EXOC7: variants seen among roughly 807,000 people sequenced by gnomAD.
The protein encoded by EXOC7 is exocyst complex component Exo70.
In EXOC7, 51 loss-of-function variants were observed where a neutral mutation model predicts 87.6. The ratio of observed to expected loss-of-function variants is 0.58; its 90% CI spans 0.46 to 0.73. The LOEUF is 0.73. Ranked by LOEUF, EXOC7 falls within the 30% of genes least tolerant of loss-of-function variation. The probability of loss-of-function intolerance (pLI) is 0.00; values close to 1 mark genes in which losing one functional copy is unlikely to be tolerated. For synonymous variants in EXOC7, 327 were observed against 357.1 expected, an observed-to-expected ratio of 0.92 and a Z score of 0.95; for missense variants, 744 against 888.4, an observed-to-expected ratio of 0.84 and a Z score of 2.07.
At chr17:76,085,461 C>A in intron 14 of EXOC7, 52 bp from the exon 15 acceptor site, 1 of 1,560,452 alleles carries the variant, frequency 6.4e-7, no homozygotes. Context: ...GCTCCTCAGG[C>A]CCAAAGGCTG....
Position 76,084,012 on chromosome 17 carries a change from A to T in EXOC7, c.1946T>A (p.Leu649Gln). Residue 649 changes from leucine to glutamine, a missense_variant, in exon 18 of 19, where the codon CTA becomes CAA. Physicochemically the swap from Leu to Gln is moderately radical, Grantham distance 113. Coordinates refer to ENST00000589210, the MANE Select transcript of EXOC7 (RefSeq NM_001013839.4). ...AGGGGAATGGAGGCCTCACTTCTGT[A>T]GAAAGGCCCCGTAGGTCTCCTTGAC... ...TIVKETYGAF[L>Q]QKFGSVPFTK... is the part of the protein sequence containing the mutation. The T allele has an allele frequency of 6.3e-7, 1 of 1,578,370 alleles. No homozygotes were observed. Among genetic ancestry groups the T allele is most frequent in the Non-Finnish European group, 8.6e-7 (1 of 1,165,292 alleles).
chr17:76,084,072 T>A lies in EXOC7; in HGVS notation c.1886A>T (p.Gln629Leu), dbSNP rs147434702. The A allele has an allele frequency of 1.2e-6, 2 of 1,611,228 alleles. No individual in the cohort carries two copies. The highest frequency in any genetic ancestry group is 1.1e-5 in the South Asian group (1 of 90,570). The change falls in exon 18 of 19, where the codon CAG (glutamine) becomes CTG (leucine). Residue 629 changes from glutamine (Q) to leucine (L), a missense_variant. Transcript: ENST00000589210. Reference sequence around the variant, plus strand: ...CTGGGCCTGGCGAATCCTGTCCCTCTGCTCTGTGTCTGGAATAGCCCAGGC... The same window carrying A: ...CTGGGCCTGGCGAATCCTGTCCCTCAGCTCTGTGTCTGGAATAGCCCAGGC... ...QKAWAIPDTE[Q>L]RDRIRQAQKT...
chr17:76,103,363 T>C lies in EXOC7; in HGVS notation c.124A>G (p.Met42Val), dbSNP rs776365753. The C allele has an allele frequency of 1.9e-6, 3 of 1,599,550 alleles. No homozygotes were observed. Among genetic ancestry groups the C allele is most frequent in the Non-Finnish European group, 2.6e-6 (3 of 1,172,856 alleles). Residue 42 changes from methionine to valine, a missense_variant and splice_region_variant, in exon 2 of 19, where the codon ATG (methionine) becomes GTG (valine). Physicochemically the swap from Met to Val is conservative, Grantham distance 21. This residue lies in a region of EXOC7 where 512 missense variants were observed against 573.0 expected (regional missense o/e 0.89). Transcript: ENST00000589210. ...CCCCCAGCTGCGGGGAGACTCACCA[T>C]GTTCTTAGTGAGCTGGTCGCTCTTC... ...LEKSDQLTKN[M>V]VSILSSFESR... is the part of the protein sequence containing the mutation.
At position 76,083,734 on chromosome 17, in the gene EXOC7, A is replaced by C. The variant is rs770640366; in HGVS notation, c.1969T>G (p.Phe657Val). The change falls in exon 19 of 19, where the codon TTC becomes GTC. Residue 657 changes from phenylalanine to valine, a missense_variant. Transcript: ENST00000589210. The part of the protein sequence containing the change: ...AFLQKFGSVP[F>V]TKNPEKYIKY... Reference sequence around the variant, plus strand: ...ATGTACTTCTCCGGGTTCTTGGTGAAGGGCACGCTGCCAAACCTGAGGAGG... The same window carrying C: ...ATGTACTTCTCCGGGTTCTTGGTGACGGGCACGCTGCCAAACCTGAGGAGG... 6.2e-7 allele frequency: 1 copy of C among 1,613,192 alleles called. No individual in the cohort carries two copies. The highest frequency in any genetic ancestry group is 1.1e-5 in the South Asian group (1 of 91,046).
At chr17:76,096,041 T>C (rs562133614) in intron 5 of EXOC7, among the ~76,000 whole-genome samples, 4 of 152,258 alleles carry the variant, frequency 2.6e-5, no homozygotes, top group Admixed American at 2.6e-4. Context: ...CTCTTGATCC[T>C]AAGGAGCTCC....
intron 11 of EXOC7, 163 bp from the exon 12 acceptor site, chr17:76,087,883 C>A: frequency 1.1e-6 from 1 of 944,012 alleles, no homozygotes; most frequent in South Asian, 1.4e-5. Flanking sequence ...AGGAAAGGCC[C>A]TGTCTGCTAG....
rs1555643721 is a variant in EXOC7 at position 76,101,846 on chromosome 17, G to C, written c.144C>G (p.Ser48=). ...CCAGCTTCATAAGGCGGCTCTCAAA[G>C]GATGATAAGATAGACACCTGCGGGA... ...LTKNMVSILS[S]FESRLMKLEN... Residue 48 remains serine, a synonymous_variant, in exon 3 of 19, where the codon TCC becomes TCG. Coordinates refer to ENST00000589210, the MANE Select transcript of EXOC7 (RefSeq NM_001013839.4). 6.2e-7 allele frequency: 1 copy of C among 1,613,430 alleles called. No individual in the cohort carries two copies. Among genetic ancestry groups the C allele is most frequent in the South Asian group, 1.1e-5 (1 of 90,950 alleles).
intron 4 of EXOC7, among the ~76,000 whole-genome samples, chr17:76,099,820 C>T (rs2067968773): frequency 6.6e-6 from 1 of 152,166 alleles, no homozygotes; most frequent in Admixed American, 6.5e-5. Flanking sequence ...ATGATGAAGG[C>T]AGGTACAGTG....
chr17:76,101,866 G>A lies in EXOC7; in HGVS notation c.127-3C>T, dbSNP rs774778172. On this transcript the variant is annotated splice_polypyrimidine_tract_variant and splice_region_variant and intron_variant, in intron 2 of 18. Transcript: ENST00000589210. ...TCAAAGGATGATAAGATAGACACCT[G>A]CGGGAGGGAAGCCTCTTGATCTTGG... The A allele has an allele frequency of 6.2e-6, 10 of 1,608,436 alleles. No individual in the cohort carries two copies. The highest frequency in any genetic ancestry group is 8.5e-6 in the Non-Finnish European group (10 of 1,176,998).
chr17:76,081,656 C>T lies in EXOC7; in HGVS notation c.*1992G>A, dbSNP rs144136649. On this transcript the variant is annotated 3_prime_UTR_variant, in exon 19 of 19. Transcript: ENST00000589210. Reference sequence around the variant, plus strand: ...GTTGCTGCCCCTCCGGGCCATTGAGCGCATAGGCTACAAGGTGACATTGCT... The same window carrying T: ...GTTGCTGCCCCTCCGGGCCATTGAGTGCATAGGCTACAAGGTGACATTGCT... 3.5e-5 allele frequency: 56 copies of T among 1,614,010 alleles called. No homozygotes were observed. The highest frequency in any genetic ancestry group is 2.7e-4 in the East Asian group (12 of 44,896).
At position 76,085,630 on chromosome 17, in the gene EXOC7, C is replaced by T. The variant is rs779759672; in HGVS notation, c.1616+47G>A. 47 of 1,613,440 alleles carry T rather than the reference C, an allele frequency of 2.9e-5. No individual in the cohort carries two copies. In the South Asian group the frequency reaches 4.2e-4, roughly 14 times the overall value. On this transcript the variant is annotated intron_variant, in intron 14 of 18. Coordinates refer to ENST00000589210, the MANE Select transcript of EXOC7 (RefSeq NM_001013839.4). ...GGCAGGGGCTGGCACAGCTGCACAG[C>T]CGAGGGGAAGGTGAGAGCCGCAGAC...
intron 15 of EXOC7, chr17:76,085,097 C>T: frequency 1.7e-6 from 1 of 578,494 alleles, no homozygotes; most frequent in Non-Finnish European, 3.1e-6. Flanking sequence ...GGCAGACTCC[C>T]CTCTAAAGTG....
At chr17:76,100,801 C>G (rs965984128) in intron 4 of EXOC7, among the ~76,000 whole-genome samples, 2 of 151,884 alleles carry the variant, frequency 1.3e-5, no homozygotes, top group Admixed American at 6.6e-5. Flanking sequence ...GCCAACATGG[C>G]GAAACCCCGT....
chr17:76,089,131 C>T (rs1238132139), intron 8 of EXOC7, 44 bp downstream of exon 8: 1 of 1,608,760 alleles, frequency 6.2e-7, no homozygotes, highest in South Asian at 1.1e-5. Context: ...GTTGTGACAG[C>T]TCTTGCTGGG....
At position 76,090,155 on chromosome 17, in the gene EXOC7, G is replaced by T. The variant is rs558757348; in HGVS notation, c.902-835C>A. The stretch of plus-strand genomic sequence containing the variant: ...ACAGACAGGCACGCACTCCCATCTG[G>T]AGAGAGGCAAGGAGACCTAGGCCCA... On this transcript the variant is annotated intron_variant, in intron 7 of 18. Coordinates refer to ENST00000589210, the MANE Select transcript of EXOC7 (RefSeq NM_001013839.4). 2.0e-5 allele frequency among the ~76,000 whole-genome samples: 3 copies of T among 152,354 alleles called. 1 individual carries two copies. Among genetic ancestry groups the T allele is most frequent in the African/African-American group, 4.8e-5 (2 of 41,594 alleles).
chr17:76,087,950 A>G, intron 11 of EXOC7, 110 bp downstream of exon 11: 5 of 1,298,968 alleles, frequency 3.8e-6, no homozygotes, highest in Non-Finnish European at 5.5e-6. Flanking sequence ...CAAAGGTGCG[A>G]GCGGCTCTGG....
chr17:76,090,623 C>G, intron 7 of EXOC7: 1 of 735,614 alleles, frequency 1.4e-6, no homozygotes, highest in South Asian at 1.9e-5. Flanking sequence ...CCGTCCTTAG[C>G]TGCTCATTTC....
intron 10 of EXOC7, 160 bp from the exon 11 acceptor site, chr17:76,088,282 C>T: frequency 4.3e-6 from 4 of 940,776 alleles, no homozygotes; most frequent in Non-Finnish European, 6.6e-6. Context: ...GCCCTTCCCA[C>T]TTCAGAGGGC....
At chr17:76,084,458 C>T (rs762483660) in intron 16 of EXOC7, 59 bp downstream of exon 16, 2 of 1,591,212 alleles carry the variant, frequency 1.3e-6, no homozygotes, top group Non-Finnish European at 1.7e-6. Context: ...TTCCCAGAGA[C>T]ACGACAAAAA....
Sources: allele counts gnomAD v4.1 joint callset (sites outside exome capture counted in the v4.1 genomes callset), GRCh38; gene constraint gnomAD v4.1.1; regional missense constraint gnomAD v4.1.1; transcripts MANE v1.5; gene names NCBI Gene and HGNC (gene_info 2026-07-23, HGNC 2026-07-21).